The following ZNRF2 variants were observed in gnomAD, a reference collection of about 807,000 sequenced individuals.
ZNRF2 encodes the protein E3 ubiquitin-protein ligase ZNRF2.
ZNRF2 carries 16 observed loss-of-function variants against 20.4 expected under a neutral mutation model. That is an observed-to-expected ratio of 0.79 (90% CI 0.53 to 1.19). ZNRF2 has a LOEUF of 1.19. Ranked by LOEUF, ZNRF2 falls within the 50% of genes most tolerant of loss-of-function variation. The probability of loss-of-function intolerance (pLI) is 0.00; values close to 1 mark genes in which losing one functional copy is unlikely to be tolerated. For missense variants in ZNRF2, 363 were observed against 332.4 expected (o/e 1.09, Z -0.72); for synonymous variants, 178 against 144.9 (o/e 1.23, Z -1.64).
rs375692908 is a variant in ZNRF2, at chr7:30,302,237, C to A, written c.469+16411C>A. Among the ~76,000 whole-genome samples the A allele has an allele frequency of 4.6e-5, 7 of 152,052 alleles. No individual in the cohort carries two copies. The East Asian group carries it at 7.7e-4, about 17-fold the overall frequency. ...GAATATATGATAGTGGTCTGTAAAC[C>A]CAAGCTGCACATGGCTTAAATGTTC... is the stretch of plus-strand genomic sequence containing the variant. On this transcript the variant is annotated intron_variant, in intron 1 of 4. Transcript: ENST00000323037.
At chr7:30,291,700 A>G (rs1047351066) in intron 1 of ZNRF2, among the ~76,000 whole-genome samples, 2 of 152,248 alleles carry the variant, frequency 1.3e-5, no homozygotes, top group African/African-American at 4.8e-5. Flanking sequence ...TCATCTGGAT[A>G]GAAGTATACT....
intron 1 of ZNRF2, among the ~76,000 whole-genome samples, chr7:30,315,254 G>A (rs1799351848): frequency 6.6e-6 from 1 of 152,024 alleles, no homozygotes; most frequent in Non-Finnish European, 1.5e-5. Context: ...GTATTTGTTT[G>A]TTTTTTGCCA....
chr7:30,354,422 C>A (rs1477490309), intron 2 of ZNRF2, among the ~76,000 whole-genome samples: 2 of 152,126 alleles, frequency 1.3e-5, no homozygotes, highest in Non-Finnish European at 2.9e-5. Flanking sequence ...AAATCATCTC[C>A]TGGTATCTTC....
intron 4 of ZNRF2, among the ~76,000 whole-genome samples, chr7:30,362,984 G>C (rs1186707945): frequency 2.0e-5 from 3 of 152,218 alleles, no homozygotes; most frequent in Non-Finnish European, 4.4e-5. Flanking sequence ...AGCCAGGCCT[G>C]GTGGCGGGTG....
chr7:30,350,300 A>G (rs919817174), intron 2 of ZNRF2, among the ~76,000 whole-genome samples: 8 of 152,074 alleles, frequency 5.3e-5, no homozygotes, highest in African/African-American at 1.9e-4. Context: ...AGTCATCATC[A>G]AAAGAGTAAC....
intron 2 of ZNRF2, among the ~76,000 whole-genome samples, chr7:30,340,413 C>A (rs1799776580): frequency 6.6e-6 from 1 of 152,108 alleles, no homozygotes; most frequent in South Asian, 2.1e-4. Context: ...TTTTGAGATA[C>A]ATTTCATCAA....
At chr7:30,308,238 T>C (rs1221178446) in intron 1 of ZNRF2, among the ~76,000 whole-genome samples, 1 of 152,222 alleles carries the variant, frequency 6.6e-6, no homozygotes, top group African/African-American at 2.4e-5. Context: ...ATACTGTGTG[T>C]AGTTCATCAT....
chr7:30,344,742 T>C (rs1799852124), intron 2 of ZNRF2, among the ~76,000 whole-genome samples: 1 of 152,224 alleles, frequency 6.6e-6, no homozygotes, highest in Non-Finnish European at 1.5e-5. Flanking sequence ...TTCATCCTCA[T>C]AGAAATCCTT....
intron 2 of ZNRF2, among the ~76,000 whole-genome samples, chr7:30,346,632 G>GT (rs1225828043): frequency 6.6e-6 from 1 of 151,492 alleles, no homozygotes; most frequent in Non-Finnish European, 1.5e-5. Context: ...GAATTTTTTT[G>GT]TTTTTTCACC....
At chr7:30,348,264 C>T (rs1181117314) in intron 2 of ZNRF2, among the ~76,000 whole-genome samples, 2 of 151,654 alleles carry the variant, frequency 1.3e-5, no homozygotes, top group Non-Finnish European at 2.9e-5. Context: ...AACAACAACC[C>T]ATTGCTTTGG....
intron 4 of ZNRF2, among the ~76,000 whole-genome samples, chr7:30,363,926 A>T (rs1800168548): frequency 6.6e-6 from 1 of 152,258 alleles, no homozygotes; most frequent in Admixed American, 6.5e-5. Flanking sequence ...CATTTTAGCT[A>T]ATCCTAGAAT....
intron 1 of ZNRF2, among the ~76,000 whole-genome samples, chr7:30,321,303 A>T (rs766695540): frequency 6.6e-6 from 1 of 151,966 alleles, no homozygotes; most frequent in Non-Finnish European, 1.5e-5. Flanking sequence ...GGAGCTCCAG[A>T]TGCCTGAGTC....
chr7:30,327,419 C>T (rs1799571039), intron 2 of ZNRF2, among the ~76,000 whole-genome samples: 1 of 152,018 alleles, frequency 6.6e-6, no homozygotes, highest in African/African-American at 2.4e-5. Context: ...TTCCCCATTG[C>T]TTGTTTTTGG....
intron 1 of ZNRF2, among the ~76,000 whole-genome samples, chr7:30,297,813 T>A (rs1452600020): frequency 6.6e-6 from 1 of 152,098 alleles, no homozygotes; most frequent in Admixed American, 6.5e-5. Context: ...TTCTTTTTTC[T>A]CTTCAATTTT....
In ZNRF2 at chr7:30,323,696, A is replaced by G; in HGVS notation, c.524A>G (p.His175Arg). ...GTATCCTCAGATGAAATGGATTTGC[A>G]TCTTGTAATGTGTTTAACAAAGCCA... ...KFVSSDEMDLHLVMCLTKPRI... is the reference protein window; with the variant it reads ...KFVSSDEMDLRLVMCLTKPRI... The change falls in exon 2 of 5, where the codon CAT (histidine) becomes CGT (arginine). Residue 175 changes from histidine to arginine, a missense_variant. Physicochemically the swap from His to Arg is conservative, Grantham distance 29. Around this residue, in one of 2 missense-constraint regions of ZNRF2, gnomAD observed 61 missense variants for 100.9 expected, o/e 0.60. Transcript: ENST00000323037. 2 of 1,601,270 alleles carry G rather than the reference A, an allele frequency of 1.2e-6. No individual in the cohort carries two copies. Among genetic ancestry groups the G allele is most frequent in the Non-Finnish European group, 1.7e-6 (2 of 1,175,128 alleles).
intron 2 of ZNRF2, among the ~76,000 whole-genome samples, chr7:30,351,339 C>G (rs1222132814): frequency 6.6e-6 from 1 of 151,912 alleles, no homozygotes; most frequent in African/African-American, 2.4e-5. Context: ...GTTTTCAGGC[C>G]ATATGTGGCT....
intron 2 of ZNRF2, among the ~76,000 whole-genome samples, chr7:30,328,250 C>A (rs1249423533): frequency 1.3e-5 from 2 of 152,064 alleles, no homozygotes; most frequent in African/African-American, 4.8e-5. Context: ...CAAGGTAAAG[C>A]CAGAGAATCT....
chr7:30,314,027 G>T (rs1046752642), intron 1 of ZNRF2, among the ~76,000 whole-genome samples: 3 of 152,134 alleles, frequency 2.0e-5, no homozygotes, highest in African/African-American at 7.2e-5. Flanking sequence ...GACCTGTCCT[G>T]TGCTACCATA....
chr7:30,333,938 G>A (rs1799678240), intron 2 of ZNRF2, among the ~76,000 whole-genome samples: 1 of 152,090 alleles, frequency 6.6e-6, no homozygotes, highest in Non-Finnish European at 1.5e-5. Context: ...CTCCCATTCT[G>A]TAGGTGGTCT....
Sources: allele counts gnomAD v4.1 joint callset (sites outside exome capture counted in the v4.1 genomes callset), GRCh38; gene constraint gnomAD v4.1.1; regional missense constraint gnomAD v4.1.1; transcripts MANE v1.5; gene names NCBI Gene and HGNC (gene_info 2026-07-23, HGNC 2026-07-21).